Variants in ARG2 observed in about 807,000 individuals in gnomAD.
The protein encoded by ARG2 is arginase-2, mitochondrial.
Under a neutral mutation model 39.4 loss-of-function variants are expected in ARG2, and 21 were observed. That is an observed-to-expected ratio of 0.53 (90% CI 0.38 to 0.77). ARG2 has a LOEUF of 0.77. Among genes scored for constraint, ARG2 ranks in the 30% least tolerant of loss-of-function variants. The pLI is 0.00. For missense variants in ARG2, 378 were observed against 426.2 expected, an observed-to-expected ratio of 0.89 and a Z score of 1.00; for synonymous variants, 150 against 156.7, an observed-to-expected ratio of 0.96 and a Z score of 0.32.
intron 2 of ARG2, among the ~76,000 whole-genome samples, chr14:67,624,185 C>A (rs1475906021): frequency 6.6e-6 from 1 of 152,118 alleles, no homozygotes; most frequent in African/African-American, 2.4e-5. Context: ...TGAATTCTAG[C>A]CACCTGTTAC....
Position 67,619,948 on chromosome 14 carries a change from C to T in ARG2, c.-30C>T. 2 of 1,484,332 alleles carry T rather than the reference C, an allele frequency of 1.3e-6. No individual in the cohort carries two copies. Among genetic ancestry groups the T allele is most frequent in the African/African-American group, 1.4e-5 (1 of 69,452 alleles). 91.9% of individuals were successfully genotyped at this position (1,484,332 alleles called of 1,614,324 possible). A position where few individuals can be genotyped will look rare whatever the true frequency, so the allele number is the denominator to read the frequency against. ...CCCGGCTTCCAACCGCGCGGAGCCT[C>T]TGCCTTGGAGATTCTCAGTGCTGCG... On this transcript the variant is annotated 5_prime_UTR_variant, in exon 1 of 8. Transcript: ENST00000261783.
chr14:67,632,890 G>A (rs1374151411), intron 2 of ARG2, among the ~76,000 whole-genome samples: 3 of 132,714 alleles, frequency 2.3e-5, no homozygotes, highest in South Asian at 2.5e-4. Context: ...GCGTGATCTC[G>A]GCTCACTGCA....
intron 2 of ARG2, among the ~76,000 whole-genome samples, chr14:67,640,060 T>C (rs558726986): frequency 1.3e-5 from 2 of 152,266 alleles, no homozygotes; most frequent in South Asian, 4.1e-4. Context: ...CTCTCCATAT[T>C]TTGAGATTTG....
chr14:67,645,258 C>T (rs1000863820), intron 3 of ARG2, among the ~76,000 whole-genome samples: 1 of 151,868 alleles, frequency 6.6e-6, no homozygotes, highest in Non-Finnish European at 1.5e-5. Context: ...ATGTGATCCT[C>T]TCACCTCAGT....
chr14:67,649,610 G>T (rs886766776), intron 7 of ARG2: 1 of 152,204 alleles, frequency 6.6e-6, no homozygotes, highest in Admixed American at 6.5e-5. Context: ...CAGGAACACA[G>T]GTCCATGTGC....
intron 2 of ARG2, among the ~76,000 whole-genome samples, chr14:67,638,380 G>A (rs74441341): frequency 6.7e-6 from 1 of 148,538 alleles, no homozygotes. Flanking sequence ...AAAAAAAAAA[G>A]AAAAAAAATG....
chr14:67,626,768 A>G (rs1297878612), intron 2 of ARG2, among the ~76,000 whole-genome samples: 1 of 152,194 alleles, frequency 6.6e-6, no homozygotes, highest in Non-Finnish European at 1.5e-5. Flanking sequence ...CCACACACAA[A>G]CTTATATACA....
At chr14:67,627,702 A>C (rs1023481287) in intron 2 of ARG2, among the ~76,000 whole-genome samples, 1 of 152,228 alleles carries the variant, frequency 6.6e-6, no homozygotes, top group East Asian at 1.9e-4. Context: ...AGGGAGGCCA[A>C]GGTGGGAAGA....
intron 2 of ARG2, among the ~76,000 whole-genome samples, chr14:67,631,008 C>T (rs2036913267): frequency 6.6e-6 from 1 of 152,176 alleles, no homozygotes. Flanking sequence ...TCTCCCTATG[C>T]TCTAGACCCC....
Position 67,651,133 on chromosome 14 carries a change from T to C in ARG2, c.*213T>C. 1 of 903,640 alleles carries C rather than the reference T, an allele frequency of 1.1e-6. No homozygotes were observed. Among genetic ancestry groups the C allele is most frequent in the African/African-American group, 1.7e-5 (1 of 59,658 alleles). 56.0% of individuals were successfully genotyped at this position (903,640 alleles called of 1,614,324 possible). A position where few individuals can be genotyped will look rare whatever the true frequency, so the allele number is the denominator to read the frequency against. Reference sequence around the variant, plus strand: ...TGCAGTTCACAGGGTATTAATATGCTACAGTACTATGTAAATTTAAAGAAG... The same window carrying C: ...TGCAGTTCACAGGGTATTAATATGCCACAGTACTATGTAAATTTAAAGAAG... On this transcript the variant is annotated 3_prime_UTR_variant, in exon 8 of 8. Transcript: ENST00000261783.
chr14:67,648,285 GTTT>G (rs1402629244), intron 7 of ARG2, 102 bp downstream of exon 7: 74 of 1,332,880 alleles, frequency 5.6e-5, no homozygotes, highest in Non-Finnish European at 7.3e-5. Flanking sequence ...TCATTGCAGA[GTTT>G]GTTTTTGCTT....
intron 7 of ARG2, chr14:67,648,902 T>C (rs993418781): frequency 2.6e-5 from 4 of 152,194 alleles, no homozygotes; most frequent in Admixed American, 6.5e-5. Context: ...AGGGTATAGA[T>C]AGAGACCCCA....
At chr14:67,645,945 C>A in intron 4 of ARG2, 143 bp downstream of exon 4, 2 of 937,728 alleles carry the variant, frequency 2.1e-6, no homozygotes, top group Non-Finnish European at 1.6e-6. Flanking sequence ...ATGGACCAGG[C>A]AGTCTGCCAG....
chr14:67,645,329 C>A (rs1475070284), intron 3 of ARG2, among the ~76,000 whole-genome samples: 1 of 152,126 alleles, frequency 6.6e-6, no homozygotes, highest in Non-Finnish European at 1.5e-5. Context: ...TGATTTCATT[C>A]ATTGAACAAA....
At position 67,651,433 on chromosome 14, in the gene ARG2, G is replaced by A. The variant is rs770962232; in HGVS notation, c.*513G>A. ...AGTAAACCAGGCCTCCCAGGATGGC[G>A]AGCTCCAGTAAGATGATAATGGAAA... On this transcript the variant is annotated 3_prime_UTR_variant, in exon 8 of 8. Transcript: ENST00000261783. The A allele has an allele frequency of 5.0e-6, 8 of 1,613,984 alleles. No individual in the cohort carries two copies. The highest frequency in any genetic ancestry group is 1.1e-5 in the South Asian group (1 of 91,060).
intron 2 of ARG2, among the ~76,000 whole-genome samples, chr14:67,637,720 T>C (rs2036987915): frequency 6.6e-6 from 1 of 152,230 alleles, no homozygotes; most frequent in East Asian, 1.9e-4. Context: ...AGTTATGTAA[T>C]TAACTAGAAT....
intron 7 of ARG2, chr14:67,648,450 T>C (rs8010798): frequency 0.079 from 22,594 of 284,758 alleles, 1,427 homozygotes; most frequent in East Asian, 0.23. Flanking sequence ...GAATAAATTG[T>C]CAAACTGATG....
At chr14:67,642,579 T>C (rs1385050594) in intron 3 of ARG2, among the ~76,000 whole-genome samples, 3 of 152,148 alleles carry the variant, frequency 2.0e-5, no homozygotes, top group Non-Finnish European at 1.5e-5. Context: ...ACAGTAAGAA[T>C]ATGTACATTC....
rs550026091 is a variant in ARG2, at chr14:67,626,028, C to A, written c.184+5062C>A. Among the ~76,000 whole-genome samples the A allele has an allele frequency of 4.6e-5, 7 of 152,160 alleles. No individual in the cohort carries two copies. In the East Asian group the frequency reaches 1.4e-3, roughly 29 times the overall value. On this transcript the variant is annotated intron_variant, in intron 2 of 7. Transcript: ENST00000261783. ...CAGTACTTTGGGAGGCTGAGGCGGG[C>A]AGATCATTTCAGGTCAGGAGTTCAA...
Sources: allele counts gnomAD v4.1 joint callset (sites outside exome capture counted in the v4.1 genomes callset), GRCh38; gene constraint gnomAD v4.1.1; transcripts MANE v1.5; gene names NCBI Gene and HGNC (gene_info 2026-07-23, HGNC 2026-07-21).